The following BRINP1 variants were observed in gnomAD, a reference collection of about 807,000 sequenced individuals.
BRINP1 encodes the protein BMP/retinoic acid-inducible neural-specific protein 1.
In BRINP1, 17 loss-of-function variants were observed where a neutral mutation model predicts 72.9. The observed-to-expected ratio is 0.23, with a 90% CI of 0.16 to 0.35. The LOEUF is 0.35. BRINP1 is among the 10% of genes least tolerant of loss of function. The pLI, the probability that BRINP1 is intolerant of heterozygous loss-of-function variation, is 1.00. For synonymous variants in BRINP1, 418 were observed against 378.5 expected, an observed-to-expected ratio of 1.10 and a Z score of -1.21; for missense variants, 850 against 1,001.6, an observed-to-expected ratio of 0.85 and a Z score of 2.04.
At position 119,166,935 on chromosome 9, in the gene BRINP1, C is replaced by T. The variant is rs1829319794; in HGVS notation, c.*149G>A. On this transcript the variant is annotated 3_prime_UTR_variant, in exon 8 of 8. Transcript: ENST00000265922. The stretch of plus-strand genomic sequence containing the variant: ...TTTTATACAGTTGCTAGAACGTTTT[C>T]ATTTCCAACAAATGAAGATTTTCCT... 1 of 876,360 alleles carries T rather than the reference C, an allele frequency of 1.1e-6. No individual in the cohort carries two copies. Among genetic ancestry groups the T allele is most frequent in the Non-Finnish European group, 1.7e-6 (1 of 572,744 alleles). The allele number at this position is 876,360 out of a possible 1,614,324, so 54.3% of individuals were successfully genotyped here. A position where few individuals can be genotyped will look rare whatever the true frequency, so the allele number is the denominator to read the frequency against.
intron 2 of BRINP1, among the ~76,000 whole-genome samples, chr9:119,271,843 A>G (rs1256450852): frequency 6.6e-6 from 1 of 151,886 alleles, no homozygotes; most frequent in African/African-American, 2.4e-5. Context: ...AGAATTTGAG[A>G]GGATACTGAA....
chr9:119,299,627 A>AG (rs1334657853), intron 2 of BRINP1, among the ~76,000 whole-genome samples: 110 of 152,172 alleles, frequency 7.2e-4, no homozygotes, highest in Admixed American at 1.6e-3. Flanking sequence ...AAAAAAAAAA[A>AG]AAAAGTGAGT....
intron 7 of BRINP1, among the ~76,000 whole-genome samples, chr9:119,203,915 A>G (rs1829827909): frequency 6.6e-6 from 1 of 152,132 alleles, no homozygotes; most frequent in Non-Finnish European, 1.5e-5. Context: ...GCACCTCCCA[A>G]TACTCACACC....
intron 7 of BRINP1, among the ~76,000 whole-genome samples, chr9:119,181,078 G>A (rs1313657460): frequency 6.6e-6 from 1 of 152,196 alleles, no homozygotes; most frequent in African/African-American, 2.4e-5. Context: ...TCAGCATTTT[G>A]CTTTGGGGCA....
chr9:119,216,873 C>T (rs1251653030), intron 5 of BRINP1, among the ~76,000 whole-genome samples: 1 of 152,134 alleles, frequency 6.6e-6, no homozygotes, highest in Non-Finnish European at 1.5e-5. Context: ...TTTAATGCAA[C>T]TGAAAACAGA....
chr9:119,189,741 G>A (rs1328580939), intron 7 of BRINP1, among the ~76,000 whole-genome samples: 3 of 151,970 alleles, frequency 2.0e-5, no homozygotes, highest in African/African-American at 7.2e-5. Flanking sequence ...TTAACACCCT[G>A]TTTTCAACAA....
chr9:119,241,346 T>A (rs1830247046), intron 4 of BRINP1, among the ~76,000 whole-genome samples: 1 of 152,172 alleles, frequency 6.6e-6, no homozygotes, highest in Non-Finnish European at 1.5e-5. Flanking sequence ...TTTTGGTAAA[T>A]ATAGTCATAT....
At chr9:119,263,348 C>T (rs936348479) in intron 2 of BRINP1, among the ~76,000 whole-genome samples, 4 of 152,116 alleles carry the variant, frequency 2.6e-5, no homozygotes, top group South Asian at 4.1e-4. Context: ...CTTCTTTGGA[C>T]AATCTTCTCC....
At chr9:119,219,189 G>A (rs1830013786) in intron 5 of BRINP1, among the ~76,000 whole-genome samples, 1 of 152,008 alleles carries the variant, frequency 6.6e-6, no homozygotes, top group Non-Finnish European at 1.5e-5. Context: ...TGTTACAGCA[G>A]CCTGAGCAGA....
chr9:119,227,351 G>A (rs568522175), intron 5 of BRINP1, among the ~76,000 whole-genome samples: 8 of 151,720 alleles, frequency 5.3e-5, no homozygotes, highest in African/African-American at 1.7e-4. Flanking sequence ...CATTCTATTC[G>A]GTTTCTGATT....
chr9:119,216,125 A>G (rs991496774), intron 5 of BRINP1, among the ~76,000 whole-genome samples: 3 of 152,226 alleles, frequency 2.0e-5, no homozygotes, highest in Non-Finnish European at 4.4e-5. Context: ...CCTCTGATTA[A>G]AGTGGTTAAA....
chr9:119,241,078 T>C (rs1175720585), intron 4 of BRINP1, among the ~76,000 whole-genome samples: 1 of 152,220 alleles, frequency 6.6e-6, no homozygotes, highest in African/African-American at 2.4e-5. Flanking sequence ...CTTGTTAAAG[T>C]TCCTGTGCTC....
chr9:119,297,754 C>T (rs1261811528), intron 2 of BRINP1, among the ~76,000 whole-genome samples: 3 of 152,084 alleles, frequency 2.0e-5, no homozygotes, highest in East Asian at 1.9e-4. Flanking sequence ...GCTAATTATA[C>T]GGTAAGACAA....
intron 7 of BRINP1, among the ~76,000 whole-genome samples, chr9:119,172,410 G>A (rs1171813478): frequency 5.3e-4 from 81 of 151,918 alleles, no homozygotes; most frequent in South Asian, 1.7e-3. Flanking sequence ...CCACACATAC[G>A]CTCTCCCAAG....
chr9:119,186,527 G>C (rs1241901304), intron 7 of BRINP1, among the ~76,000 whole-genome samples: 2 of 152,256 alleles, frequency 1.3e-5, no homozygotes, highest in East Asian at 1.9e-4. Context: ...GAGCAGCCTT[G>C]CACACTTAGC....
Position 119,222,349 on chromosome 9 carries a change from T to A in BRINP1, c.686-8194A>T, listed in dbSNP as rs143461826. Among the ~76,000 whole-genome samples the A allele has an allele frequency of 3.3e-5, 5 of 152,264 alleles. No individual in the cohort carries two copies. In the East Asian group the frequency reaches 9.6e-4, roughly 29 times the overall value. Reference sequence around the variant, plus strand: ...CAAATTGACCTGCAGTCTATTTTTATAAACAAATTTTACTGGAACACAGCC... The same window carrying A: ...CAAATTGACCTGCAGTCTATTTTTAAAAACAAATTTTACTGGAACACAGCC... On this transcript the variant is annotated intron_variant, in intron 5 of 7. Coordinates refer to ENST00000265922, the MANE Select transcript of BRINP1 (RefSeq NM_014618.3).
Position 119,242,223 on chromosome 9 carries a change from G to A in BRINP1, c.410-7C>T. 6.2e-7 allele frequency: 1 copy of A among 1,613,048 alleles called. No individual in the cohort carries two copies. The highest frequency in any genetic ancestry group is 1.1e-5 in the South Asian group (1 of 90,882). On this transcript the variant is annotated splice_polypyrimidine_tract_variant and splice_region_variant and intron_variant, in intron 3 of 7. Coordinates refer to ENST00000265922, the MANE Select transcript of BRINP1 (RefSeq NM_014618.3). ...ATGGTCAAAGCCTCCTCCCCTGGAT[G>A]GGAAAGAAAAGTAGATAAGAAGGTT...
rs768921682 is a variant in BRINP1 at position 119,167,149 on chromosome 9, C to T, written c.2221G>A (p.Ala741Thr). ...ATCTCCGTGTTGTACAGGTCCAAGG[C>T]GTGGTTCACCCTGATGATCTCGCTG... ...TNSEIIRVNH[A>T]LDLYNTEILK... The change falls in exon 8 of 8, where the codon GCC becomes ACC. Residue 741 changes from alanine (A) to threonine (T), a missense_variant. Physicochemically the swap from Ala to Thr is moderately conservative, Grantham distance 58. Transcript: ENST00000265922. The surrounding 1 kb of genome is among the most constrained non-coding windows in gnomAD (Gnocchi z 4.3). 6 of 1,613,918 alleles carry T rather than the reference C, an allele frequency of 3.7e-6. No homozygotes were observed. The highest frequency in any genetic ancestry group is 1.1e-5 in the South Asian group (1 of 91,066).
At chr9:119,280,675 C>G (rs1415166675) in intron 2 of BRINP1, among the ~76,000 whole-genome samples, 2 of 152,192 alleles carry the variant, frequency 1.3e-5, no homozygotes. Flanking sequence ...CCGCCTCATT[C>G]ATCCTTTATT....
Sources: allele counts gnomAD v4.1 joint callset (sites outside exome capture counted in the v4.1 genomes callset), GRCh38; gene constraint gnomAD v4.1.1; non-coding constraint Gnocchi (gnomAD v3.1); transcripts MANE v1.5; gene names NCBI Gene and HGNC (gene_info 2026-07-23, HGNC 2026-07-21).